Variants in OCA2 observed in about 807,000 individuals in gnomAD.
OCA2 encodes OCA2 melanosomal transmembrane protein.
Under a neutral mutation model 100.2 loss-of-function variants are expected in OCA2, and 77 were observed. The ratio of observed to expected loss-of-function variants is 0.77; its 90% CI spans 0.64 to 0.93. OCA2 has a LOEUF of 0.93. Among genes scored for constraint, OCA2 ranks in the 40% least tolerant of loss-of-function variants. The pLI is 0.00. For missense variants in OCA2, 1,062 were observed against 1,089.1 expected, an observed-to-expected ratio of 0.98 and a Z score of 0.35; for synonymous variants, 432 against 439.2, an observed-to-expected ratio of 0.98 and a Z score of 0.21.
chr15:27,950,614 A>C (rs1417935493), intron 18 of OCA2: 2 of 499,594 alleles, frequency 4.0e-6, no homozygotes, highest in Admixed American at 4.2e-5. Flanking sequence ...GAGGGGCTGC[A>C]AATACATAAC....
chr15:27,953,008 G>A (rs2040087646), intron 17 of OCA2, among the ~76,000 whole-genome samples: 1 of 152,016 alleles, frequency 6.6e-6, no homozygotes, highest in South Asian at 2.1e-4. Context: ...CTTGAGTCTG[G>A]TCCCACCAGC....
At chr15:27,871,132 G>A (rs774473616) in intron 21 of OCA2, 22 bp downstream of exon 21, 29 of 1,581,802 alleles carry the variant, frequency 1.8e-5, no homozygotes, top group Admixed American at 8.3e-5. Flanking sequence ...TTGAGCCGTC[G>A]ACATGGACAT....
At chr15:27,783,395 G>A (rs1337921422) in intron 23 of OCA2, among the ~76,000 whole-genome samples, 2 of 152,156 alleles carry the variant, frequency 1.3e-5, no homozygotes, top group Admixed American at 6.5e-5. Context: ...CCAACCAGAA[G>A]GAAGCTCGCA....
chr15:27,878,319 A>G (rs1365217807), intron 19 of OCA2, among the ~76,000 whole-genome samples: 1 of 152,110 alleles, frequency 6.6e-6, no homozygotes, highest in Non-Finnish European at 1.5e-5. Context: ...CTTCATCCCT[A>G]AAGATCTAAT....
intron 2 of OCA2, among the ~76,000 whole-genome samples, chr15:28,075,400 A>T (rs2044399365): frequency 6.6e-6 from 1 of 152,246 alleles, no homozygotes; most frequent in Non-Finnish European, 1.5e-5. Flanking sequence ...TAAAATGGCT[A>T]AAATTAAAAG....
intron 9 of OCA2, among the ~76,000 whole-genome samples, chr15:27,993,707 TG>T (rs1442127731): frequency 1.3e-5 from 2 of 151,676 alleles, no homozygotes; most frequent in African/African-American, 4.8e-5. Flanking sequence ...GGCTTGCAAG[TG>T]ATCCACACAT....
chr15:27,744,796 T>G, the OCA2 span, among the ~76,000 whole-genome samples: 1 of 152,282 alleles, frequency 6.6e-6, no homozygotes, highest in Non-Finnish European at 1.5e-5. Context: ...GATGGACCCC[T>G]CTCTTGGCCT....
intron 14 of OCA2, among the ~76,000 whole-genome samples, chr15:27,972,212 C>A (rs76071062): frequency 0.039 from 5,953 of 151,906 alleles, 406 homozygotes; most frequent in African/African-American, 0.14. Context: ...ACACGCATAT[C>A]TCTCTCTCTC....
At chr15:27,816,657 C>T (rs2034312755) in intron 23 of OCA2, among the ~76,000 whole-genome samples, 1 of 152,056 alleles carries the variant, frequency 6.6e-6, no homozygotes, top group Non-Finnish European at 1.5e-5. Flanking sequence ...TCCCGTAACT[C>T]CTCCCTCTCA....
At chr15:27,983,510 T>C (rs1407668558) in intron 13 of OCA2, 27 bp from the exon 14 acceptor site, 7 of 1,613,644 alleles carry the variant, frequency 4.3e-6, no homozygotes, top group Middle Eastern at 3.3e-4. Flanking sequence ...AAAATGAAAG[T>C]AGTCCCACTA....
chr15:27,795,142 G>C lies in OCA2; in HGVS notation c.2433-39670C>G, dbSNP rs60851325. 7.4e-4 allele frequency among the ~76,000 whole-genome samples: 113 copies of C among 152,168 alleles called. 1 individual carries two copies. The highest frequency in any genetic ancestry group is 2.4e-3 in the African/African-American group (100 of 41,510). The stretch of plus-strand genomic sequence containing the variant: ...CTCTGTCACCTTCCCTTGGAATACT[G>C]GTGCCCAGGAAAACCTTCAATCTGG... On this transcript the variant is annotated intron_variant, in intron 23 of 23. Coordinates refer to ENST00000354638, the MANE Select transcript of OCA2 (RefSeq NM_000275.3).
At chr15:28,045,621 A>G (rs1000565878) in intron 2 of OCA2, among the ~76,000 whole-genome samples, 1 of 152,134 alleles carries the variant, frequency 6.6e-6, no homozygotes, top group African/African-American at 2.4e-5. Flanking sequence ...CCTCACACTC[A>G]CCAGTACCAC....
intron 1 of OCA2, among the ~76,000 whole-genome samples, chr15:28,082,497 C>T (rs1210133956): frequency 6.6e-6 from 1 of 152,086 alleles, no homozygotes; most frequent in African/African-American, 2.4e-5. Context: ...TAGCAGTGGC[C>T]TAAGTGTTCA....
chr15:27,829,965 ATAT>A (rs1319169132), intron 23 of OCA2, among the ~76,000 whole-genome samples: 1 of 152,232 alleles, frequency 6.6e-6, no homozygotes, highest in Non-Finnish European at 1.5e-5. Context: ...TAAAGCAAAG[ATAT>A]TATAAAGATG....
intron 19 of OCA2, among the ~76,000 whole-genome samples, chr15:27,920,274 G>C (rs895469132): frequency 5.3e-5 from 8 of 152,012 alleles, no homozygotes; most frequent in Admixed American, 5.2e-4. Flanking sequence ...ATGGAAAAAG[G>C]TAGACCACAC....
chr15:27,901,561 A>G (rs1451612667), intron 19 of OCA2, among the ~76,000 whole-genome samples: 1 of 152,198 alleles, frequency 6.6e-6, no homozygotes, highest in African/African-American at 2.4e-5. Flanking sequence ...ACCTTTGAGC[A>G]CATAATCTCT....
intron 23 of OCA2, among the ~76,000 whole-genome samples, chr15:27,793,915 T>G (rs992351160): frequency 6.6e-6 from 1 of 152,154 alleles, no homozygotes; most frequent in Admixed American, 6.5e-5. Context: ...AGATGACACA[T>G]GGCCACAGCT....
chr15:27,734,470 G>T, the OCA2 span, among the ~76,000 whole-genome samples: 1 of 152,090 alleles, frequency 6.6e-6, no homozygotes, highest in South Asian at 2.1e-4. Flanking sequence ...AGGAAAGTGA[G>T]CACAGGACCT....
chr15:27,814,607 G>A (rs1024813724), intron 23 of OCA2, among the ~76,000 whole-genome samples: 3 of 152,204 alleles, frequency 2.0e-5, no homozygotes, highest in African/African-American at 4.8e-5. Context: ...GCCAGGCACC[G>A]TGGCTCACGC....
Sources: allele counts gnomAD v4.1 joint callset (sites outside exome capture counted in the v4.1 genomes callset), GRCh38; gene constraint gnomAD v4.1.1; transcripts MANE v1.5; gene names NCBI Gene and HGNC (gene_info 2026-07-23, HGNC 2026-07-21).